Variants in CR1L observed in about 807,000 individuals in gnomAD.
CR1L encodes complement C3b/C4b receptor 1 like, also known as complement component receptor 1-like protein.
CR1L carries 59 observed loss-of-function variants against 62.3 expected under a neutral mutation model. That is an observed-to-expected ratio of 0.95 (90% CI 0.77 to 1.18). The LOEUF is 1.18. Among genes scored for constraint, CR1L ranks in the 50% most tolerant of loss-of-function variants. CR1L has a pLI of 0.00. For synonymous variants in CR1L, 279 were observed against 248.7 expected, an observed-to-expected ratio of 1.12 and a Z score of -1.15; for missense variants, 700 against 702.8, an observed-to-expected ratio of 1.00 and a Z score of 0.04.
intron 4 of CR1L, among the ~76,000 whole-genome samples, chr1:207,685,120 G>C (rs530466810): frequency 6.6e-6 from 1 of 152,040 alleles, no homozygotes; most frequent in Admixed American, 6.5e-5. Flanking sequence ...TAGTAAAATA[G>C]AAAAAACAAA....
chr1:207,655,287 C>A, intron 1 of CR1L: 13 of 461,826 alleles, frequency 2.8e-5, no homozygotes, highest in Non-Finnish European at 3.1e-5. Flanking sequence ...TAAGTAAATT[C>A]TTTTTTTTTT....
intron 10 of CR1L, among the ~76,000 whole-genome samples, chr1:207,716,256 G>C (rs2102482878): frequency 6.7e-6 from 1 of 150,242 alleles, no homozygotes; most frequent in Middle Eastern, 3.4e-3. Context: ...AGTTAAATAG[G>C]GATGTTATGG....
intron 1 of CR1L, among the ~76,000 whole-genome samples, chr1:207,674,398 G>A (rs777668749): frequency 1.1e-4 from 17 of 152,122 alleles, no homozygotes; most frequent in Non-Finnish European, 1.6e-4. Flanking sequence ...TAGGTCTTGA[G>A]TTTATGGAGT....
intron 9 of CR1L, among the ~76,000 whole-genome samples, chr1:207,703,731 C>T (rs978724725): frequency 2.4e-4 from 37 of 152,106 alleles, no homozygotes; most frequent in African/African-American, 5.3e-4. Context: ...CCAAGGTGGG[C>T]GGATCATGAG....
rs1374669205 is a variant in CR1L at position 207,717,686 on chromosome 1, G to C, written c.1637G>C (p.Gly546Ala). 8 of 1,613,854 alleles carry C rather than the reference G, an allele frequency of 5.0e-6. No individual in the cohort carries two copies. The highest frequency in any genetic ancestry group is 3.3e-5 in the Admixed American group (2 of 60,000). Reference protein sequence around the residue: ...SPAPRCELPVGAGSHDALIVG... With the variant: ...SPAPRCELPVAAGSHDALIVG... ...GCCCCTCGCTGTGAACTTCCTGTTG[G>C]TGCTGGTCAGTATCCGCTTCCACAT... The change falls in exon 11 of 12, where the codon GGT becomes GCT. Residue 546 changes from glycine to alanine, a missense_variant. Physicochemically the swap from Gly to Ala is moderately conservative, Grantham distance 60. Coordinates refer to ENST00000508064, the MANE Select transcript of CR1L (RefSeq NM_175710.2).
At position 207,717,616 on chromosome 1, in the gene CR1L, C is replaced by G; in HGVS notation, c.1567C>G (p.Arg523Gly). ...CAACCTCATTGGGGAGAGCACCATC[C>G]GCCGCACAAGTGAACCTCATGGGAA... The part of the protein sequence containing the change: ...TFNLIGESTI[R>G]RTSEPHGNGV... Residue 523 changes from arginine (R) to glycine (G), a missense_variant, in exon 11 of 12, where the codon CGC (arginine) becomes GGC (glycine). Coordinates refer to ENST00000508064, the MANE Select transcript of CR1L (RefSeq NM_175710.2). 6.2e-7 allele frequency: 1 copy of G among 1,613,934 alleles called. No homozygotes were observed. Among genetic ancestry groups the G allele is most frequent in the Non-Finnish European group, 8.5e-7 (1 of 1,179,874 alleles).
chr1:207,663,718 G>A (rs879854571), intron 1 of CR1L, among the ~76,000 whole-genome samples: 4 of 151,956 alleles, frequency 2.6e-5, no homozygotes, highest in African/African-American at 7.2e-5. Context: ...CTTCTGTGTC[G>A]CTCACACTGG....
At chr1:207,679,758 A>G (rs780604839) in intron 3 of CR1L, among the ~76,000 whole-genome samples, 147 of 152,334 alleles carry the variant, frequency 9.6e-4, no homozygotes, top group Non-Finnish European at 2.8e-4. Context: ...ATATTATTCA[A>G]TACCAAAAAG....
intron 4 of CR1L, among the ~76,000 whole-genome samples, chr1:207,691,212 G>A (rs966941131): frequency 3.9e-5 from 6 of 152,010 alleles, no homozygotes; most frequent in African/African-American, 1.2e-4. Flanking sequence ...TATTCTTTCT[G>A]CTGAATTGAC....
At chr1:207,650,927 AG>A (rs1386279247) in intron 1 of CR1L, among the ~76,000 whole-genome samples, 5 of 152,076 alleles carry the variant, frequency 3.3e-5, no homozygotes, top group Admixed American at 3.3e-4. Flanking sequence ...CTGGGACTAC[AG>A]GCGTGTGCCA....
At chr1:207,719,649 G>A (rs2102485092) in intron 11 of CR1L, among the ~76,000 whole-genome samples, 1 of 152,198 alleles carries the variant, frequency 6.6e-6, no homozygotes, top group Admixed American at 6.5e-5. Flanking sequence ...AGCCTGGGAG[G>A]TCGAGGCTGC....
chr1:207,646,261 C>A (rs1367830801), intron 1 of CR1L, among the ~76,000 whole-genome samples: 1 of 152,044 alleles, frequency 6.6e-6, no homozygotes, highest in Non-Finnish European at 1.5e-5. Context: ...TGTGAAGCAA[C>A]CTAAAAAACA....
chr1:207,669,662 G>A, intron 1 of CR1L: 2 of 741,986 alleles, frequency 2.7e-6, no homozygotes, highest in East Asian at 2.9e-5. Flanking sequence ...GCTGCTCTGC[G>A]CGCCCGGGTC....
chr1:207,700,761 C>T (rs11587253), intron 8 of CR1L, among the ~76,000 whole-genome samples: 5,858 of 152,214 alleles, frequency 0.038, 180 homozygotes, highest in South Asian at 0.12. Context: ...GAACGTAGGC[C>T]CCTTCCTCAG....
intron 4 of CR1L, among the ~76,000 whole-genome samples, chr1:207,684,705 G>C (rs552744876): frequency 6.6e-6 from 1 of 152,260 alleles, no homozygotes; most frequent in Admixed American, 6.5e-5. Context: ...TTAATGACTA[G>C]AAAGAGATGT....
chr1:207,713,084 A>G (rs148083106), intron 10 of CR1L, among the ~76,000 whole-genome samples: 267 of 152,328 alleles, frequency 1.8e-3, no homozygotes, highest in Non-Finnish European at 3.4e-3. Context: ...AAATAAGGGT[A>G]GGGACTAAGT....
intron 8 of CR1L, among the ~76,000 whole-genome samples, chr1:207,701,005 C>T (rs1024179300): frequency 1.3e-5 from 2 of 152,034 alleles, no homozygotes; most frequent in Admixed American, 6.6e-5. Context: ...TTTTCAAAAG[C>T]GTTCAGATAG....
chr1:207,696,455 C>T (rs1296851624), intron 5 of CR1L, among the ~76,000 whole-genome samples: 1 of 152,182 alleles, frequency 6.6e-6, no homozygotes, highest in Non-Finnish European at 1.5e-5. Flanking sequence ...CCATTGCTAG[C>T]AGCCAAAAGA....
At chr1:207,656,307 T>C (rs1173578378) in intron 1 of CR1L, among the ~76,000 whole-genome samples, 5 of 152,122 alleles carry the variant, frequency 3.3e-5, no homozygotes, top group Non-Finnish European at 7.4e-5. Context: ...AAAGACAATA[T>C]TTTGGTGGTA....
Sources: gnomAD v4.1 joint callset for allele counts (sites outside exome capture counted in the v4.1 genomes callset) on GRCh38, gnomAD v4.1.1 for gene constraint, MANE v1.5 for transcripts, NCBI Gene and HGNC (gene_info 2026-07-23, HGNC 2026-07-21) for gene names.